ZDHHC11: variants seen among roughly 807,000 people sequenced by gnomAD.
The protein encoded by ZDHHC11 is palmitoyltransferase ZDHHC11.
A neutral mutation model predicts 51.3 loss-of-function variants in ZDHHC11; 44 were observed. The ratio of observed to expected loss-of-function variants is 0.86; its 90% CI spans 0.67 to 1.10. The LOEUF is 1.10. Ranked by LOEUF, ZDHHC11 falls within the 50% of genes least tolerant of loss-of-function variation. ZDHHC11 has a pLI of 0.00. For synonymous variants in ZDHHC11, 163 were observed against 222.0 expected, an observed-to-expected ratio of 0.73 and a Z score of 2.36; for missense variants, 400 against 537.7, an observed-to-expected ratio of 0.74 and a Z score of 2.53.
chr5:806,716 T>C (rs1292642145), intron 11 of ZDHHC11, among the ~76,000 whole-genome samples: 1 of 151,218 alleles, frequency 6.6e-6, no homozygotes, highest in African/African-American at 2.4e-5. Context: ...AAAAATGGAC[T>C]AGGGACATGA....
intron 11 of ZDHHC11, among the ~76,000 whole-genome samples, chr5:802,496 A>G (rs1389553522): frequency 7.0e-6 from 1 of 143,764 alleles, no homozygotes; most frequent in East Asian, 2.1e-4. Context: ...ATTGTGTTGT[A>G]AAAGTGTGTA....
intron 6 of ZDHHC11, among the ~76,000 whole-genome samples, chr5:836,604 T>A (rs2150376397): frequency 6.7e-6 from 1 of 149,808 alleles, no homozygotes; most frequent in Admixed American, 6.6e-5. Flanking sequence ...AATTCATGCA[T>A]GAAGACTACA....
At chr5:824,735 T>C (rs369246836) in intron 8 of ZDHHC11, among the ~76,000 whole-genome samples, 3 of 149,338 alleles carry the variant, frequency 2.0e-5, no homozygotes, top group African/African-American at 7.4e-5. Context: ...TTCCCATCTG[T>C]CTCCTACACA....
Position 807,006 on chromosome 5 carries a change from C to A in ZDHHC11, c.1182-5842G>T, listed in dbSNP as rs552371729. On this transcript the variant is annotated intron_variant, in intron 11 of 12. Coordinates refer to ENST00000283441, the MANE Select transcript of ZDHHC11 (RefSeq NM_024786.3). ...ATAGCCCCGGGAGAAATGGTTGCAC[C>A]TGTACAACAGGAGATCTGTCAAGAT... Among the ~76,000 whole-genome samples the A allele has an allele frequency of 1.1e-3, 164 of 151,150 alleles. 6 individuals carry two copies. Among genetic ancestry groups the A allele is most frequent in the Non-Finnish European group, 8.6e-4 (58 of 67,574 alleles).
At chr5:796,876 G>T (rs2150264497) in intron 12 of ZDHHC11, among the ~76,000 whole-genome samples, 1 of 152,306 alleles carries the variant, frequency 6.6e-6, no homozygotes, top group South Asian at 2.1e-4. Flanking sequence ...ACATCCTTTT[G>T]AAAGATAACC....
At chr5:848,420 G>A in intron 2 of ZDHHC11, 62 bp downstream of exon 2, 3 of 840,580 alleles carry the variant, frequency 3.6e-6, no homozygotes, top group Admixed American at 6.1e-5. Context: ...GCAGTGACCT[G>A]AGCACCAGGA....
chr5:853,411 G>A (rs895151222), upstream of ZDHHC11, among the ~76,000 whole-genome samples: 3 of 150,438 alleles, frequency 2.0e-5, no homozygotes, highest in African/African-American at 7.4e-5. Context: ...AGGACAGTGA[G>A]CAGCGGGGAC....
intron 8 of ZDHHC11, among the ~76,000 whole-genome samples, chr5:824,302 A>T (rs1176224868): frequency 6.6e-6 from 1 of 151,244 alleles, no homozygotes; most frequent in East Asian, 1.9e-4. Flanking sequence ...CTTAAGAAAT[A>T]AAAAATAAAT....
intron 7 of ZDHHC11, among the ~76,000 whole-genome samples, chr5:828,346 G>A (rs1010982626): frequency 1.3e-5 from 2 of 150,876 alleles, no homozygotes; most frequent in African/African-American, 4.9e-5. Context: ...CCCAGATGCG[G>A]CAGCTGGCCG....
chr5:828,340 G>A (rs1381200120), intron 7 of ZDHHC11, among the ~76,000 whole-genome samples: 1 of 150,886 alleles, frequency 6.6e-6, no homozygotes, highest in Non-Finnish European at 1.5e-5. Context: ...CCACCTCCCA[G>A]ATGCGGCAGC....
rs1037634231 is a variant in ZDHHC11, at chr5:850,891, C to G, written c.-289G>C. 3.8e-6 allele frequency: 2 copies of G among 531,710 alleles called. No homozygotes were observed. Among genetic ancestry groups the G allele is most frequent in the African/African-American group, 3.8e-5 (2 of 52,036 alleles). 32.9% of individuals were successfully genotyped at this position (531,710 alleles called of 1,614,324 possible). A position where few individuals can be genotyped will look rare whatever the true frequency, so the allele number is the denominator to read the frequency against. ...TCTCCAGGGTGTGGAGGACCCAGTG[C>G]CCGCGCGACCGCCCATCAGTTCCCC... On this transcript the variant is annotated 5_prime_UTR_variant, in exon 1 of 13. Transcript: ENST00000283441.
Position 837,460 on chromosome 5 carries a change from A to C in ZDHHC11, c.805T>G (p.Phe269Val), listed in dbSNP as rs1273147040. 1 of 1,609,778 alleles carries C rather than the reference A, an allele frequency of 6.2e-7. No individual in the cohort carries two copies. The highest frequency in any genetic ancestry group is 8.5e-7 in the Non-Finnish European group (1 of 1,176,492). Residue 269 changes from phenylalanine to valine, a missense_variant, in exon 6 of 13, where the codon TTT becomes GTT. Phe to Val is a conservative substitution (Grantham distance 50). Coordinates refer to ENST00000283441, the MANE Select transcript of ZDHHC11 (RefSeq NM_024786.3). Reference protein sequence around the residue: ...IYLKAKKMTTFEYLINNRKEE... With the variant: ...IYLKAKKMTTVEYLINNRKEE... ...TTGCGGTTATTAATGAGATACTCAA[A>C]GGTGGTCATCTTCTTGGCCTCTGGA...
chr5:854,260 C>A (rs899905085), upstream of ZDHHC11, among the ~76,000 whole-genome samples: 1 of 145,112 alleles, frequency 6.9e-6, no homozygotes, highest in Non-Finnish European at 1.5e-5. Context: ...TGTGGATAGA[C>A]CCCACCAAGG....
At chr5:854,520 C>CA (rs1382213200), upstream of ZDHHC11, among the ~76,000 whole-genome samples, 2 of 147,814 alleles carry the variant, frequency 1.4e-5, no homozygotes, top group African/African-American at 2.5e-5. Context: ...GGGAGAGACA[C>CA]CATGGAGGAC....
intron 10 of ZDHHC11, among the ~76,000 whole-genome samples, chr5:818,316 G>A (rs1741096837): frequency 6.6e-6 from 1 of 151,678 alleles, no homozygotes; most frequent in African/African-American, 2.4e-5. Context: ...TCTGGGCGGG[G>A]CAGGCTGGGG....
chr5:817,924 C>CTA (rs1741032272), intron 10 of ZDHHC11, among the ~76,000 whole-genome samples: 1 of 151,386 alleles, frequency 6.6e-6, no homozygotes, highest in South Asian at 2.1e-4. Context: ...AGGCGATGGA[C>CTA]TGTAGGTCTG....
At chr5:838,328 G>T (rs1232463596) in intron 5 of ZDHHC11, among the ~76,000 whole-genome samples, 1 of 151,998 alleles carries the variant, frequency 6.6e-6, no homozygotes, top group African/African-American at 2.4e-5. Flanking sequence ...TTTCAGCCAC[G>T]AGCTTCCATG....
intron 12 of ZDHHC11, among the ~76,000 whole-genome samples, chr5:796,834 G>C (rs1306102399): frequency 6.6e-6 from 1 of 152,218 alleles, no homozygotes; most frequent in African/African-American, 2.4e-5. Flanking sequence ...ATCACCGACA[G>C]AGGCCATTTT....
At chr5:847,122 A>T (rs1344524436) in intron 3 of ZDHHC11, among the ~76,000 whole-genome samples, 1 of 151,780 alleles carries the variant, frequency 6.6e-6, no homozygotes, top group Non-Finnish European at 1.5e-5. Context: ...CTCAGGGGAA[A>T]CACCTCTCGC....
Sources: allele counts gnomAD v4.1 joint callset (sites outside exome capture counted in the v4.1 genomes callset), GRCh38; gene constraint gnomAD v4.1.1; transcripts MANE v1.5; gene names NCBI Gene and HGNC (gene_info 2026-07-23, HGNC 2026-07-21).